SLC27A3: variants seen among roughly 807,000 people sequenced by gnomAD.
SLC27A3 encodes the protein solute carrier family 27 member 3.
A neutral mutation model predicts 60.1 loss-of-function variants in SLC27A3; 60 were observed. That is an observed-to-expected ratio of 1.00 (90% CI 0.81 to 1.24). The LOEUF is 1.24. Ranked by LOEUF, SLC27A3 falls within the 50% of genes most tolerant of loss-of-function variation. The probability of loss-of-function intolerance (pLI) is 0.00; values close to 1 mark genes in which losing one functional copy is unlikely to be tolerated. For synonymous variants in SLC27A3, 455 were observed against 409.0 expected, an observed-to-expected ratio of 1.11 and a Z score of -1.36; for missense variants, 1,079 against 929.9, an observed-to-expected ratio of 1.16 and a Z score of -2.09.
chr1:153,776,842 TC>T (rs1476555492), intron 2 of SLC27A3, 115 bp downstream of exon 2: 1 of 1,046,366 alleles, frequency 9.6e-7, no homozygotes, highest in East Asian at 2.6e-5. Context: ...CATTGGCACA[TC>T]CTTTTTCTCC....
intron 4 of SLC27A3, 112 bp downstream of exon 4, chr1:153,777,997 G>A (rs1045649386): frequency 7.2e-6 from 11 of 1,531,446 alleles, no homozygotes; most frequent in African/African-American, 2.7e-5. Context: ...GAAGAAAATG[G>A]CAGTGTAAGA....
At chr1:153,778,121 C>A in intron 4 of SLC27A3, 40 bp from the exon 5 acceptor site, 1 of 1,574,360 alleles carries the variant, frequency 6.4e-7, no homozygotes, top group Non-Finnish European at 8.6e-7. Context: ...GAGCGGGCAT[C>A]TTGATGCTGA....
At chr1:153,776,781 G>C in intron 2 of SLC27A3, 54 bp downstream of exon 2, 1 of 1,556,818 alleles carries the variant, frequency 6.4e-7, no homozygotes, top group Non-Finnish European at 8.8e-7. Context: ...AGGAAGGCAG[G>C]GGTCTGCTCC....
rs755166869 is a variant in SLC27A3, at chr1:153,779,224, G to A, written c.1744+13G>A. On this transcript the variant is annotated intron_variant, in intron 8 of 9. Transcript: ENST00000624995. ...GTCACTGTGCCAGGTGCCTAGGCAT[G>A]GAAGGTGGGGGAGGCACCCAGCCAC... is the stretch of plus-strand genomic sequence containing the variant. The A allele has an allele frequency of 4.3e-6, 7 of 1,613,842 alleles. No individual in the cohort carries two copies. The highest frequency in any genetic ancestry group is 1.7e-6 in the Non-Finnish European group (2 of 1,179,860).
Position 153,775,789 on chromosome 1 carries a change from C to T in SLC27A3, c.292C>T (p.Arg98Cys). 1 of 1,504,244 alleles carries T rather than the reference C, an allele frequency of 6.6e-7. No homozygotes were observed. Among genetic ancestry groups the T allele is most frequent in the Non-Finnish European group, 8.8e-7 (1 of 1,130,716 alleles). The allele number at this position is 1,504,244 out of a possible 1,614,324, so 93.2% of individuals were successfully genotyped here. ...GCGCTTTAGCTACTCAGAGGCGGAG[C>T]GCGAGAGTAACAGGGCTGCACGCGC... ...SRRFSYSEAE[R>C]ESNRAARAFL... The change falls in exon 1 of 10, where the codon CGC becomes TGC. Residue 98 changes from arginine to cysteine, a missense_variant. Physicochemically the swap from Arg to Cys is radical, Grantham distance 180. Coordinates refer to ENST00000624995, the MANE Select transcript of SLC27A3 (RefSeq NM_024330.4).
In SLC27A3 at chr1:153,776,573, C is replaced by T. The variant is rs1274514788; in HGVS notation, c.723C>T (p.His241=). 2 of 1,614,220 alleles carry T rather than the reference C, an allele frequency of 1.2e-6. No homozygotes were observed. Among genetic ancestry groups the T allele is most frequent in the South Asian group, 1.1e-5 (1 of 91,090 alleles). Residue 241 remains histidine (H), a synonymous_variant, in exon 2 of 10, where the codon CAC becomes CAT. Coordinates refer to ENST00000624995, the MANE Select transcript of SLC27A3 (RefSeq NM_024330.4). The stretch of plus-strand genomic sequence containing the variant: ...CCGCCCTGAGAGCCATGGGGCTCCA[C>T]CTGTGGGCTGCAGGCCCAGGAACCC... The part of the protein sequence containing the change: ...DLPALRAMGL[H]LWAAGPGTHP...
In SLC27A3 at chr1:153,777,813, T is replaced by C. The variant is rs764962845; in HGVS notation, c.1089T>C (p.Asp363=). Residue 363 remains aspartate, a synonymous_variant, in exon 4 of 10, where the codon GAT becomes GAC. Transcript: ENST00000624995. The stretch of plus-strand genomic sequence containing the variant: ...TCTCGGCTGGTCAGTTCTGGGAAGA[T>C]TGCCAGCAGCACAGGGTGACGGTGT... ...SKFSAGQFWE[D]CQQHRVTVFQ... 1.4e-5 allele frequency: 23 copies of C among 1,614,080 alleles called. No homozygotes were observed. The highest frequency in any genetic ancestry group is 2.7e-5 in the African/African-American group (2 of 74,930).
chr1:153,777,453 A>G lies in SLC27A3; in HGVS notation c.1036+233A>G, dbSNP rs868315886. ...CAGGCTGCAGGGTCAAAGGCAGGGA[A>G]GGACTGTGTCAGTCCAGGAACAGGC... On this transcript the variant is annotated intron_variant, in intron 3 of 9. Coordinates refer to ENST00000624995, the MANE Select transcript of SLC27A3 (RefSeq NM_024330.4). 50 of 626,792 alleles carry G rather than the reference A, an allele frequency of 8.0e-5. No homozygotes were observed. In the South Asian group the frequency reaches 9.6e-4, roughly 12 times the overall value. 38.8% of individuals were successfully genotyped at this position (626,792 alleles called of 1,614,324 possible). A position where few individuals can be genotyped will look rare whatever the true frequency, so the allele number is the denominator to read the frequency against.
rs768279028 is a variant in SLC27A3 at position 153,776,054 on chromosome 1, G to A, written c.557G>A (p.Gly186Glu). The A allele has an allele frequency of 1.4e-6, 2 of 1,464,096 alleles. No individual in the cohort carries two copies. The highest frequency in any genetic ancestry group is 1.8e-6 in the Non-Finnish European group (2 of 1,117,468). 90.7% of individuals were successfully genotyped at this position (1,464,096 alleles called of 1,614,324 possible). A position where few individuals can be genotyped will look rare whatever the true frequency, so the allele number is the denominator to read the frequency against. ...CCAGAGTTTCTGTGGCTCTGGTTCG[G>A]GCTGGCCAAGGCCGGCCTGCGCACT... ...AGPEFLWLWF[G>E]LAKAGLRTAF... The change falls in exon 1 of 10, where the codon GGG (glycine) becomes GAG (glutamate). Residue 186 changes from glycine to glutamate, a missense_variant. Transcript: ENST00000624995.
At position 153,778,807 on chromosome 1, in the gene SLC27A3, T is replaced by C. The variant is rs1673375156; in HGVS notation, c.1568T>C (p.Phe523Ser). 6 of 1,614,180 alleles carry C rather than the reference T, an allele frequency of 3.7e-6. No homozygotes were observed. The highest frequency in any genetic ancestry group is 5.1e-6 in the Non-Finnish European group (6 of 1,180,018). Residue 523 changes from phenylalanine to serine, a missense_variant, in exon 7 of 10, where the codon TTC (phenylalanine) becomes TCC (serine). Physicochemically the swap from Phe to Ser is radical, Grantham distance 155. Coordinates refer to ENST00000624995, the MANE Select transcript of SLC27A3 (RefSeq NM_024330.4). ...GATGTCTTCCGGCCTGGGGATGTTT[T>C]CTTCAACACTGGGGACCTGCTGGTC... ...LKDVFRPGDV[F>S]FNTGDLLVCD...
chr1:153,777,334 C>G, intron 3 of SLC27A3, 114 bp downstream of exon 3: 1 of 1,316,138 alleles, frequency 7.6e-7, no homozygotes, highest in South Asian at 1.3e-5. Context: ...GGGCAGAGCC[C>G]TACTCACCAG....
chr1:153,779,293 T>C, intron 8 of SLC27A3, 50 bp from the exon 9 acceptor site: 3 of 1,613,694 alleles, frequency 1.9e-6, no homozygotes, highest in Middle Eastern at 1.6e-4. Flanking sequence ...CACGAGGCCT[T>C]CGTGGTGGTC....
At position 153,778,436 on chromosome 1, in the gene SLC27A3, C is replaced by CCAGT. The variant is rs1673350471; in HGVS notation, c.1357-26_1357-23dup. The CCAGT allele has an allele frequency of 6.8e-6, 11 of 1,612,846 alleles. No individual in the cohort carries two copies. In the East Asian group the frequency reaches 2.5e-4, roughly 36 times the overall value. On this transcript the variant is annotated intron_variant, in intron 5 of 9. Transcript: ENST00000624995. The stretch of plus-strand genomic sequence containing the variant: ...AGGGGGCTCATGTGACTGCAATGAT[C>CCAGT]CAGTACCCAGGTCTCCCTTTCCCCA...
chr1:153,776,570 C>T lies in SLC27A3; in HGVS notation c.720C>T (p.Leu240=), dbSNP rs757770470. Residue 240 remains leucine, a synonymous_variant, in exon 2 of 10, where the codon CTC becomes CTT. Transcript: ENST00000624995. ...TGCCCGCCCTGAGAGCCATGGGGCTCCACCTGTGGGCTGCAGGCCCAGGAA... is the reference window on the plus strand; with the variant it reads ...TGCCCGCCCTGAGAGCCATGGGGCTTCACCTGTGGGCTGCAGGCCCAGGAA... ...PDLPALRAMG[L]HLWAAGPGTH... 36 of 1,614,076 alleles carry T rather than the reference C, an allele frequency of 2.2e-5. 1 individual carries two copies. The South Asian group carries it at 3.5e-4, about 16-fold the overall frequency.
chr1:153,780,105 C>A lies in SLC27A3; in HGVS notation c.*103C>A. 2 of 1,026,804 alleles carry A rather than the reference C, an allele frequency of 1.9e-6. No individual in the cohort carries two copies. The highest frequency in any genetic ancestry group is 1.6e-5 in the South Asian group (1 of 62,176). The allele number at this position is 1,026,804 out of a possible 1,614,324, so 63.6% of individuals were successfully genotyped here. A position where few individuals can be genotyped will look rare whatever the true frequency, so the allele number is the denominator to read the frequency against. On this transcript the variant is annotated 3_prime_UTR_variant, in exon 10 of 10. Coordinates refer to ENST00000624995, the MANE Select transcript of SLC27A3 (RefSeq NM_024330.4). ...ATCTTTTCTATACCAGAACTGCGGT[C>A]ACTATTTTGTAATAAATGTGGCTGG... is the stretch of plus-strand genomic sequence containing the variant.
At position 153,777,708 on chromosome 1, in the gene SLC27A3, C is replaced by T. The variant is rs554198033; in HGVS notation, c.1037-53C>T. The T allele has an allele frequency of 3.6e-5, 58 of 1,605,686 alleles. 1 individual carries two copies. The highest frequency in any genetic ancestry group is 1.7e-4 in the African/African-American group (13 of 74,312). On this transcript the variant is annotated intron_variant, in intron 3 of 9. Coordinates refer to ENST00000624995, the MANE Select transcript of SLC27A3 (RefSeq NM_024330.4). ...GTCTGGAAAGAGGGGCTTGGGCTCC[C>T]CACTCTGCTCCTAATCTTACCTCCC... is the stretch of plus-strand genomic sequence containing the variant.
chr1:153,778,561 G>A lies in SLC27A3; in HGVS notation c.1447+8G>A. 6.2e-7 allele frequency: 1 copy of A among 1,613,750 alleles called. No individual in the cohort carries two copies. The highest frequency in any genetic ancestry group is 1.3e-5 in the African/African-American group (1 of 75,030). ...GTATGGCCACATCTCCAGGTTGGTGGTGTTCTGGTGGGGTGGGCGGGGTGC... is the reference window on the plus strand; with the variant it reads ...GTATGGCCACATCTCCAGGTTGGTGATGTTCTGGTGGGGTGGGCGGGGTGC... On this transcript the variant is annotated splice_region_variant and intron_variant, in intron 6 of 9. Coordinates refer to ENST00000624995, the MANE Select transcript of SLC27A3 (RefSeq NM_024330.4).
chr1:153,778,521 A>G lies in SLC27A3; in HGVS notation c.1415A>G (p.Asp472Gly). 6.2e-7 allele frequency: 1 copy of G among 1,613,846 alleles called. No individual in the cohort carries two copies. ...YDVTTGEPIR[D>G]PQGHCMATSP... ...GTCACCACAGGAGAGCCAATTCGGG[A>G]CCCCCAGGGGCACTGTATGGCCACA... Residue 472 changes from aspartate (D) to glycine (G), a missense_variant, in exon 6 of 10, where the codon GAC (aspartate) becomes GGC (glycine). Asp to Gly is a moderately conservative substitution (Grantham distance 94). Transcript: ENST00000624995.
chr1:153,777,427 C>T lies in SLC27A3; in HGVS notation c.1036+207C>T, dbSNP rs1372689094. The T allele has an allele frequency of 6.1e-6, 4 of 661,082 alleles. No homozygotes were observed. The East Asian group carries it at 1.1e-4, about 18-fold the overall frequency. The allele number at this position is 661,082 out of a possible 1,614,324, so 41.0% of individuals were successfully genotyped here. On this transcript the variant is annotated intron_variant, in intron 3 of 9. Transcript: ENST00000624995. ...AGGGGGGCCATACAGCCACATAACTCCAGGCTGCAGGGTCAAAGGCAGGGA... is the reference window on the plus strand; with the variant it reads ...AGGGGGGCCATACAGCCACATAACTTCAGGCTGCAGGGTCAAAGGCAGGGA...
Sources: gnomAD v4.1 joint callset for allele counts on GRCh38, gnomAD v4.1.1 for gene constraint, MANE v1.5 for transcripts, NCBI Gene and HGNC (gene_info 2026-07-23, HGNC 2026-07-21) for gene names.